The following CAPN5 variants were observed in gnomAD, a reference collection of about 807,000 sequenced individuals.
The protein encoded by CAPN5 is calpain-5.
A neutral mutation model predicts 73.0 loss-of-function variants in CAPN5; 54 were observed. The observed-to-expected ratio is 0.74, with a 90% CI of 0.59 to 0.93. The LOEUF (loss-of-function observed/expected upper bound fraction) is 0.93. Ranked by LOEUF, CAPN5 falls within the 40% of genes least tolerant of loss-of-function variation. The pLI is 0.00. For synonymous variants in CAPN5, 335 were observed against 356.9 expected, an observed-to-expected ratio of 0.94 and a Z score of 0.69; for missense variants, 785 against 882.9, an observed-to-expected ratio of 0.89 and a Z score of 1.41.
intron 9 of CAPN5, chr11:77,120,463 A>G (rs1169256752): frequency 4.6e-6 from 2 of 434,750 alleles, no homozygotes; most frequent in Non-Finnish European, 8.1e-6. Flanking sequence ...ACCACAATCA[A>G]CTGTAGAACA....
chr11:77,102,945 G>T lies in CAPN5; in HGVS notation c.297+9132G>T, dbSNP rs2233548. 3.1e-6 allele frequency: 5 copies of T among 1,613,030 alleles called. No individual in the cohort carries two copies. In the East Asian group the frequency reaches 6.7e-5, roughly 22 times the overall value. The stretch of plus-strand genomic sequence containing the variant: ...ACGCGTGGAGAGCCTGAAGCAGCGC[G>T]GGGAGAAGCGCCAGGATGGGGAGAA... On this transcript the variant is annotated intron_variant, in intron 3 of 12. Coordinates refer to ENST00000648180, the MANE Select transcript of CAPN5 (RefSeq NM_004055.5).
At chr11:77,079,660 T>C (rs919082372) in intron 1 of CAPN5, among the ~76,000 whole-genome samples, 10 of 152,218 alleles carry the variant, frequency 6.6e-5, no homozygotes, top group African/African-American at 2.4e-4. Flanking sequence ...TTAGAATTAC[T>C]AGATTATATG....
chr11:77,122,443 C>T, intron 11 of CAPN5, 133 bp from the exon 12 acceptor site: 2 of 754,444 alleles, frequency 2.7e-6, no homozygotes, highest in Non-Finnish European at 4.4e-6. Context: ...AACGAAGGGG[C>T]CCTGAGGTGG....
chr11:77,108,406 A>G lies in CAPN5; in HGVS notation c.298-4183A>G, dbSNP rs573956831. Among the ~76,000 whole-genome samples, 17 of 152,316 alleles carry G rather than the reference A, an allele frequency of 1.1e-4. 1 individual carries two copies. The East Asian group carries it at 3.3e-3, about 29-fold the overall frequency. ...ACAAGGGAAGGAGGCAGAGGGAGCCACATGTGCGTGGGGGAGGTGGCTTGA... is the reference window on the plus strand; with the variant it reads ...ACAAGGGAAGGAGGCAGAGGGAGCCGCATGTGCGTGGGGGAGGTGGCTTGA... On this transcript the variant is annotated intron_variant, in intron 3 of 12. Coordinates refer to ENST00000648180, the MANE Select transcript of CAPN5 (RefSeq NM_004055.5).
At chr11:77,071,428 C>A (rs1329510086) in intron 1 of CAPN5, among the ~76,000 whole-genome samples, 1 of 152,198 alleles carries the variant, frequency 6.6e-6, no homozygotes, top group African/African-American at 2.4e-5. Flanking sequence ...GACATTCACG[C>A]AATAAGCCCA....
At chr11:77,084,005 C>T (rs759916357) in intron 1 of CAPN5, among the ~76,000 whole-genome samples, 33 of 152,314 alleles carry the variant, frequency 2.2e-4, no homozygotes, top group South Asian at 8.3e-4. Context: ...GGAGCTGCAC[C>T]GCAGCCCAGA....
rs1245289144 is a variant in CAPN5, at chr11:77,097,477, T to TTTG, written c.297+3666_297+3667insGTT. Among the ~76,000 whole-genome samples the TTTG allele has an allele frequency of 2.1e-3, 303 of 143,270 alleles. 3 individuals carry two copies. The highest frequency in any genetic ancestry group is 3.5e-3 in the Middle Eastern group (1 of 286). The allele number at this position is 143,270 out of a possible 152,430, so 94.0% of individuals were successfully genotyped here. A position where few individuals can be genotyped will look rare whatever the true frequency, so the allele number is the denominator to read the frequency against. On this transcript the variant is annotated intron_variant, in intron 3 of 12. Coordinates refer to ENST00000648180, the MANE Select transcript of CAPN5 (RefSeq NM_004055.5). ...TGTTTCCTTCTAGTTTTTTTTTTTT[T>TTTG]TTTTTTTTTTTTATTGATAATTCTT...
chr11:77,077,319 T>C (rs1167836335), intron 1 of CAPN5, among the ~76,000 whole-genome samples: 1 of 152,100 alleles, frequency 6.6e-6, no homozygotes, highest in Non-Finnish European at 1.5e-5. Flanking sequence ...ATCATGCCAT[T>C]GCACTTGAGC....
At chr11:77,094,829 G>A (rs782323952) in intron 3 of CAPN5, among the ~76,000 whole-genome samples, 1 of 152,266 alleles carries the variant, frequency 6.6e-6, no homozygotes, top group Non-Finnish European at 1.5e-5. Context: ...GCCAAAGGTG[G>A]CTGTGCCTAC....
intron 12 of CAPN5, 137 bp downstream of exon 12, chr11:77,122,849 C>T (rs1950537180): frequency 8.9e-7 from 1 of 1,127,118 alleles, no homozygotes; most frequent in Non-Finnish European, 1.2e-6. Flanking sequence ...TATCCCTGAC[C>T]CCTGGTGTGG....
chr11:77,114,763 CT>C (rs1224985750), intron 5 of CAPN5, among the ~76,000 whole-genome samples: 2 of 152,234 alleles, frequency 1.3e-5, no homozygotes, highest in Non-Finnish European at 2.9e-5. Flanking sequence ...TCAAACCCAA[CT>C]TTAGCAGACC....
chr11:77,093,678 G>T lies in CAPN5; in HGVS notation c.166-4G>T. 4 of 1,581,688 alleles carry T rather than the reference G, an allele frequency of 2.5e-6. No homozygotes were observed. Among genetic ancestry groups the T allele is most frequent in the Non-Finnish European group, 3.4e-6 (4 of 1,167,700 alleles). On this transcript the variant is annotated splice_region_variant and splice_polypyrimidine_tract_variant and intron_variant, in intron 2 of 12. Coordinates refer to ENST00000648180, the MANE Select transcript of CAPN5 (RefSeq NM_004055.5). ...CTCACGCTCTCTCCTCGCCTTCTCC[G>T]CAGGGCATCTGCGAGGACCCCCGCC... is the stretch of plus-strand genomic sequence containing the variant.
chr11:77,115,419 G>A lies in CAPN5; in HGVS notation c.724G>A (p.Ala242Thr), dbSNP rs1555041536. ...IKAVTAADME[A>T]RLACGLVKGH... ...GGCAGTGACAGCAGCTGACATGGAG[G>A]CCCGCCTGGCGTGCGGCCTGGTAAA... The change falls in exon 6 of 13, where the codon GCC (alanine) becomes ACC (threonine). Residue 242 changes from alanine (A) to threonine (T), a missense_variant. Physicochemically the swap from Ala to Thr is moderately conservative, Grantham distance 58. Transcript: ENST00000648180. 1.9e-6 allele frequency: 3 copies of A among 1,605,022 alleles called. No homozygotes were observed. Among genetic ancestry groups the A allele is most frequent in the Admixed American group, 1.7e-5 (1 of 59,878 alleles).
chr11:77,106,407 C>A (rs917416731), intron 3 of CAPN5, among the ~76,000 whole-genome samples: 5 of 152,048 alleles, frequency 3.3e-5, no homozygotes, highest in Non-Finnish European at 5.9e-5. Context: ...TGGCTCTATC[C>A]CCAGAGTGCA....
At chr11:77,112,906 G>A in intron 4 of CAPN5, 109 bp downstream of exon 4, 1 of 1,016,080 alleles carries the variant, frequency 9.8e-7, no homozygotes, top group African/African-American at 1.6e-5. Context: ...AGAAGTGAGG[G>A]GCTGGTGCAG....
At chr11:77,120,639 G>A (rs1950512079) in intron 9 of CAPN5, 74 bp from the exon 10 acceptor site, 1 of 945,898 alleles carries the variant, frequency 1.1e-6, no homozygotes, top group Admixed American at 2.1e-5. Context: ...CCATGGTGGT[G>A]AGGGGGAGGC....
rs782173734 is a variant in CAPN5 at position 77,118,240 on chromosome 11, A to C, written c.1055A>C (p.Lys352Thr). The C allele has an allele frequency of 1.2e-6, 2 of 1,614,150 alleles. No individual in the cohort carries two copies. The highest frequency in any genetic ancestry group is 2.2e-5 in the South Asian group (2 of 91,082). Reference sequence around the variant, plus strand: ...AACACATCCCACCTGAGCATCCACAAGACGTGGGAGGAGGCCCGGCTGCAT... The same window carrying C: ...AACACATCCCACCTGAGCATCCACACGACGTGGGAGGAGGCCCGGCTGCAT... ...VINTSHLSIH[K>T]TWEEARLHGA... The change falls in exon 8 of 13, where the codon AAG becomes ACG. Residue 352 changes from lysine to threonine, a missense_variant. Transcript: ENST00000648180.
intron 9 of CAPN5, chr11:77,120,118 G>C (rs1555042490): frequency 1.3e-5 from 2 of 152,304 alleles, no homozygotes; most frequent in African/African-American, 2.4e-5. Context: ...TGCTGTCATA[G>C]CTCATTACAG....
intron 2 of CAPN5, among the ~76,000 whole-genome samples, chr11:77,088,825 G>A (rs782371426): frequency 6.6e-6 from 1 of 152,188 alleles, no homozygotes; most frequent in Non-Finnish European, 1.5e-5. Flanking sequence ...GTGCCACGAA[G>A]GGAGAAGGGA....
Sources: allele counts gnomAD v4.1 joint callset (sites outside exome capture counted in the v4.1 genomes callset), GRCh38; gene constraint gnomAD v4.1.1; transcripts MANE v1.5; gene names NCBI Gene and HGNC (gene_info 2026-07-23, HGNC 2026-07-21).